The following RBFOX1 variants were observed in gnomAD, a reference collection of about 807,000 sequenced individuals.
The protein encoded by RBFOX1 is RNA binding fox-1 homolog 1.
Under a neutral mutation model 57.7 loss-of-function variants are expected in RBFOX1, and 8 were observed. The observed-to-expected ratio is 0.14, with a 90% CI of 0.08 to 0.25. RBFOX1 has a LOEUF of 0.25. Among genes scored for constraint, RBFOX1 ranks in the 10% least tolerant of loss-of-function variants. RBFOX1 has a pLI of 1.00. For missense variants in RBFOX1, 611 were observed against 548.5 expected (o/e 1.11, Z -1.14); for synonymous variants, 326 against 222.4 (o/e 1.47, Z -4.15).
intron 3 of RBFOX1, among the ~76,000 whole-genome samples, chr16:6,757,397 G>A (rs1234336605): frequency 6.6e-6 from 1 of 152,102 alleles, no homozygotes; most frequent in Non-Finnish European, 1.5e-5. Flanking sequence ...ATCAACCTAA[G>A]TATCCATTAA....
At position 7,056,139 on chromosome 16, in the gene RBFOX1, T is replaced by A. The variant is rs150567276; in HGVS notation, c.27+4041T>A. On this transcript the variant is annotated intron_variant, in intron 4 of 15. Coordinates refer to ENST00000550418, the MANE Select transcript of RBFOX1 (RefSeq NM_018723.4). ...GGGGCATCGTGCATTAGTAACCAGC[T>A]CAGCCCACAGATGCTGTCCATGAGC... 1.6e-3 allele frequency among the ~76,000 whole-genome samples: 249 copies of A among 152,256 alleles called. 1 individual carries two copies. Among genetic ancestry groups the A allele is most frequent in the Middle Eastern group, 0.01 (3 of 294 alleles).
intron 1 of RBFOX1, among the ~76,000 whole-genome samples, chr16:5,425,160 C>T (rs550670847): frequency 6.7e-6 from 1 of 149,282 alleles, no homozygotes; most frequent in Non-Finnish European, 1.5e-5. Context: ...GGCTGGAGTG[C>T]AGTGGTGCGA....
At chr16:7,072,911 C>A (rs1023473371) in intron 4 of RBFOX1, among the ~76,000 whole-genome samples, 1 of 152,252 alleles carries the variant, frequency 6.6e-6, no homozygotes, top group Middle Eastern at 3.4e-3. Context: ...TTTGTGGAAC[C>A]GGTTGCTACA....
At chr16:6,674,773 G>A (rs977795913) in intron 3 of RBFOX1, among the ~76,000 whole-genome samples, 17 of 152,188 alleles carry the variant, frequency 1.1e-4, no homozygotes, top group African/African-American at 4.1e-4. Context: ...GCTACAAGAG[G>A]CAAGGAAGGA....
chr16:5,656,267 C>A (rs2049427119), intron 3 of RBFOX1, among the ~76,000 whole-genome samples: 1 of 152,100 alleles, frequency 6.6e-6, no homozygotes. Context: ...AGAGGGTTGT[C>A]TTTCAGGATG....
At chr16:6,948,375 C>CTTTTT (rs968186299) in intron 3 of RBFOX1, among the ~76,000 whole-genome samples, 1,749 of 67,944 alleles carry the variant, frequency 0.026, 94 homozygotes, top group Non-Finnish European at 0.032. Context: ...TTCTCCCTTT[C>CTTTTT]TTTTTTTTTT....
At chr16:6,958,573 C>T (rs933842652) in intron 3 of RBFOX1, among the ~76,000 whole-genome samples, 1 of 152,128 alleles carries the variant, frequency 6.6e-6, no homozygotes, top group Non-Finnish European at 1.5e-5. Flanking sequence ...AATTAAACAA[C>T]CAAACGGAAT....
chr16:5,791,016 A>G (rs1029763501), intron 3 of RBFOX1, among the ~76,000 whole-genome samples: 1 of 151,930 alleles, frequency 6.6e-6, no homozygotes, highest in African/African-American at 2.4e-5. Flanking sequence ...TTACAGGTGC[A>G]TACCACCACA....
At chr16:6,997,720 C>A (rs538888607) in intron 3 of RBFOX1, among the ~76,000 whole-genome samples, 1 of 152,076 alleles carries the variant, frequency 6.6e-6, no homozygotes, top group Non-Finnish European at 1.5e-5. Context: ...TAGTATAAAT[C>A]TTGTAATGGA....
intron 2 of RBFOX1, among the ~76,000 whole-genome samples, chr16:6,431,901 C>CTTTCTTTCTTTCTT (rs2094104559): frequency 5.1e-5 from 3 of 59,022 alleles, no homozygotes; most frequent in Non-Finnish European, 8.0e-5. Context: ...TGCTTGCTTT[C>CTTTCTTTCTTTCTT]TTTCTTTCTT....
chr16:6,246,190 G>A (rs1051725396), intron 1 of RBFOX1, among the ~76,000 whole-genome samples: 1 of 152,160 alleles, frequency 6.6e-6, no homozygotes, highest in Non-Finnish European at 1.5e-5. Flanking sequence ...CATGACTCGT[G>A]AAGTAAGGGT....
At chr16:7,177,328 G>C (rs1273725272) in intron 4 of RBFOX1, among the ~76,000 whole-genome samples, 1 of 152,126 alleles carries the variant, frequency 6.6e-6, no homozygotes, top group Non-Finnish European at 1.5e-5. Flanking sequence ...GGCCTCAAGA[G>C]CTGAGGATGC....
At chr16:7,154,090 G>C (rs1006395068) in intron 4 of RBFOX1, among the ~76,000 whole-genome samples, 2 of 152,150 alleles carry the variant, frequency 1.3e-5, no homozygotes, top group South Asian at 2.1e-4. Context: ...ACTTACAGGG[G>C]AATATTAGCA....
rs869243278 is a variant in RBFOX1 at position 6,761,500 on chromosome 16, C to CTTTTTTTTTTTTTTTTT, written c.-16+106859_-16+106875dup. Among the ~76,000 whole-genome samples the CTTTTTTTTTTTTTTTTT allele has an allele frequency of 3.3e-5, 2 of 60,128 alleles. 1 individual carries two copies. The highest frequency in any genetic ancestry group is 5.6e-5 in the Non-Finnish European group (2 of 35,944). 39.4% of individuals were successfully genotyped at this position (60,128 alleles called of 152,430 possible). On this transcript the variant is annotated intron_variant, in intron 3 of 15. Coordinates refer to ENST00000550418, the MANE Select transcript of RBFOX1 (RefSeq NM_018723.4). ...AATAGTTTTCCTTTCTCCCAATCTC[C>CTTTTTTTTTTTTTTTTT]TTTTTTTTTTTTTTTTTTTTTTTTT...
At chr16:5,497,019 A>T (rs939451082) in intron 2 of RBFOX1, among the ~76,000 whole-genome samples, 7 of 152,084 alleles carry the variant, frequency 4.6e-5, no homozygotes, top group East Asian at 1.9e-4. Flanking sequence ...AGGGAGGGGG[A>T]TATTGAGTAA....
At chr16:7,301,427 C>T (rs555306796) in intron 4 of RBFOX1, among the ~76,000 whole-genome samples, 270 of 152,258 alleles carry the variant, frequency 1.8e-3, no homozygotes, top group African/African-American at 6.3e-3. Flanking sequence ...TGCAGATCTT[C>T]AGTGTGTCTG....
chr16:6,331,945 G>C (rs1320088607), intron 2 of RBFOX1, among the ~76,000 whole-genome samples: 1 of 152,086 alleles, frequency 6.6e-6, no homozygotes, highest in Non-Finnish European at 1.5e-5. Flanking sequence ...TCTCATGCAT[G>C]AGAGGCTGAC....
chr16:6,791,440 T>C (rs2082920921), intron 3 of RBFOX1, among the ~76,000 whole-genome samples: 1 of 152,074 alleles, frequency 6.6e-6, no homozygotes, highest in East Asian at 1.9e-4. Context: ...TCCTAAAAAA[T>C]TGTAAAGAAC....
At chr16:6,610,398 G>A (rs2098027612) in intron 2 of RBFOX1, among the ~76,000 whole-genome samples, 1 of 152,056 alleles carries the variant, frequency 6.6e-6, no homozygotes, top group Non-Finnish European at 1.5e-5. Context: ...TGCAATCATG[G>A]CTCACTGCAG....
Sources: allele counts gnomAD v4.1 joint callset (sites outside exome capture counted in the v4.1 genomes callset), GRCh38; gene constraint gnomAD v4.1.1; transcripts MANE v1.5; gene names NCBI Gene and HGNC (gene_info 2026-07-23, HGNC 2026-07-21).